The following ADAM12 variants were observed in gnomAD, a reference collection of about 807,000 sequenced individuals.
ADAM12 encodes ADAM metallopeptidase domain 12.
In ADAM12, 70 loss-of-function variants were observed where a neutral mutation model predicts 106.4. The ratio of observed to expected loss-of-function variants is 0.66; its 90% CI spans 0.54 to 0.80. The LOEUF (loss-of-function observed/expected upper bound fraction) is 0.80, where lower values mean the gene tolerates loss of function less well. Among genes scored for constraint, ADAM12 ranks in the 30% least tolerant of loss-of-function variants. The pLI is 0.00. For missense variants in ADAM12, 1,010 were observed against 1,171.9 expected (o/e 0.86, Z 2.02); for synonymous variants, 420 against 433.5 (o/e 0.97, Z 0.39).
chr10:126,160,746 C>T (rs1044626016), intron 3 of ADAM12, among the ~76,000 whole-genome samples: 2 of 152,178 alleles, frequency 1.3e-5, no homozygotes, highest in African/African-American at 2.4e-5. Context: ...CAACGCCTCC[C>T]GATGGCCTCC....
chr10:126,134,091 A>C (rs528119101), intron 5 of ADAM12, among the ~76,000 whole-genome samples: 1 of 152,358 alleles, frequency 6.6e-6, no homozygotes, highest in South Asian at 2.1e-4. Flanking sequence ...CACTCAAGGA[A>C]TGTTTTCTGA....
At chr10:126,094,973 A>T (rs1369895514) in intron 10 of ADAM12, among the ~76,000 whole-genome samples, 1 of 152,230 alleles carries the variant, frequency 6.6e-6, no homozygotes, top group Non-Finnish European at 1.5e-5. Flanking sequence ...ATAGTTACTT[A>T]ACTTTTACAA....
intron 3 of ADAM12, among the ~76,000 whole-genome samples, chr10:126,230,534 C>T (rs1204242923): frequency 6.6e-6 from 1 of 152,148 alleles, no homozygotes. Context: ...AAGAACCCAC[C>T]CACTCTCCTG....
intron 1 of ADAM12, among the ~76,000 whole-genome samples, chr10:126,379,161 T>C (rs1347378418): frequency 6.6e-6 from 1 of 152,190 alleles, no homozygotes. Context: ...GAACTAGAAA[T>C]ACCATTTGAC....
chr10:126,184,023 T>G (rs548193714), intron 3 of ADAM12, among the ~76,000 whole-genome samples: 1 of 152,366 alleles, frequency 6.6e-6, no homozygotes, highest in East Asian at 1.9e-4. Flanking sequence ...TTCAAAAAAG[T>G]GTGAAATATC....
chr10:126,208,864 T>TC (rs1213425885), intron 3 of ADAM12, among the ~76,000 whole-genome samples: 3 of 151,648 alleles, frequency 2.0e-5, no homozygotes, highest in Non-Finnish European at 4.4e-5. Flanking sequence ...TTTTTTTTTT[T>TC]TTTCCTGTTA....
At chr10:126,387,944 G>C (rs1284576740) in intron 1 of ADAM12, 114 bp downstream of exon 1, 1 of 1,148,386 alleles carries the variant, frequency 8.7e-7, no homozygotes, top group Admixed American at 4.7e-5. Flanking sequence ...GGGCTCCGGA[G>C]ATGCGCCGGG....
intron 3 of ADAM12, among the ~76,000 whole-genome samples, chr10:126,192,450 A>G (rs1251179247): frequency 2.6e-5 from 4 of 152,202 alleles, no homozygotes; most frequent in Non-Finnish European, 4.4e-5. Context: ...GCTTATGTTC[A>G]ATGGGAGTAA....
In ADAM12 at chr10:126,364,645, A is replaced by T. The variant is rs370120038; in HGVS notation, c.88+23413T>A. Among the ~76,000 whole-genome samples, 35 of 152,328 alleles carry T rather than the reference A, an allele frequency of 2.3e-4. No homozygotes were observed. In the East Asian group the frequency reaches 6.4e-3, roughly 28 times the overall value. ...CTGTTCATTCCAAATTATGGCTCACAAAAGGGTAGTGCTCATATATAAACA... is the reference window on the plus strand; with the variant it reads ...CTGTTCATTCCAAATTATGGCTCACTAAAGGGTAGTGCTCATATATAAACA... On this transcript the variant is annotated intron_variant, in intron 1 of 22. Coordinates refer to ENST00000448723, the MANE Select transcript of ADAM12 (RefSeq NM_001288973.2).
chr10:126,075,079 C>T (rs1025710118), intron 11 of ADAM12, among the ~76,000 whole-genome samples: 14 of 152,170 alleles, frequency 9.2e-5, no homozygotes, highest in Non-Finnish European at 1.8e-4. Flanking sequence ...ACATTCCTGC[C>T]ATTTCCTCGG....
intron 2 of ADAM12, among the ~76,000 whole-genome samples, chr10:126,299,648 T>C (rs924752437): frequency 6.7e-6 from 1 of 148,684 alleles, no homozygotes; most frequent in Non-Finnish European, 1.5e-5. Flanking sequence ...ACCATTCAGC[T>C]TTTTTTTTTC....
intron 5 of ADAM12, among the ~76,000 whole-genome samples, chr10:126,126,603 G>C (rs1295301001): frequency 6.6e-6 from 1 of 151,924 alleles, no homozygotes; most frequent in African/African-American, 2.4e-5. Flanking sequence ...AGTGCAATGG[G>C]TTGGCAGGAT....
intron 20 of ADAM12, among the ~76,000 whole-genome samples, chr10:126,037,326 C>T (rs1023743565): frequency 7.8e-6 from 1 of 128,608 alleles, no homozygotes; most frequent in Non-Finnish European, 1.6e-5. Flanking sequence ...TTCTTTTTTA[C>T]GAAAATGAAG....
At chr10:126,175,653 C>T (rs113097564) in intron 3 of ADAM12, among the ~76,000 whole-genome samples, 4,509 of 152,230 alleles carry the variant, frequency 0.03, 111 homozygotes, top group Middle Eastern at 0.051. Context: ...ATTCGAGTGG[C>T]GAGAGAGGGA....
At chr10:126,099,856 G>A (rs1435530606) in intron 9 of ADAM12, among the ~76,000 whole-genome samples, 1 of 152,180 alleles carries the variant, frequency 6.6e-6, no homozygotes, top group Non-Finnish European at 1.5e-5. Context: ...TGTCCCAGAA[G>A]CTTTCCTTTC....
chr10:126,195,940 C>G (rs1957589735), intron 3 of ADAM12, among the ~76,000 whole-genome samples: 1 of 152,222 alleles, frequency 6.6e-6, no homozygotes, highest in African/African-American at 2.4e-5. Context: ...GTCTCACAAG[C>G]TGGCCTAGAA....
At chr10:126,185,348 C>A (rs1957381460) in intron 3 of ADAM12, among the ~76,000 whole-genome samples, 1 of 152,214 alleles carries the variant, frequency 6.6e-6, no homozygotes, top group South Asian at 2.1e-4. Flanking sequence ...CCACACAGGG[C>A]TATGCCCTAT....
intron 4 of ADAM12, among the ~76,000 whole-genome samples, chr10:126,144,080 A>G (rs538933393): frequency 1.3e-5 from 2 of 152,344 alleles, no homozygotes; most frequent in East Asian, 1.9e-4. Context: ...TTAAAAGACT[A>G]TAAAGAACTA....
intron 5 of ADAM12, among the ~76,000 whole-genome samples, chr10:126,122,658 G>A (rs968381061): frequency 1.3e-5 from 2 of 152,124 alleles, no homozygotes; most frequent in African/African-American, 4.8e-5. Flanking sequence ...CTACTTGGGA[G>A]GCTGATGTGG....
Sources: gnomAD v4.1 joint callset for allele counts (sites outside exome capture counted in the v4.1 genomes callset) on GRCh38, gnomAD v4.1.1 for gene constraint, MANE v1.5 for transcripts, NCBI Gene and HGNC (gene_info 2026-07-23, HGNC 2026-07-21) for gene names.